Variants in DENND2B observed in about 807,000 individuals in gnomAD.
The protein encoded by DENND2B is DENN domain-containing protein 2B.
DENND2B carries 32 observed loss-of-function variants against 116.0 expected under a neutral mutation model. The ratio of observed to expected loss-of-function variants is 0.28; its 90% CI spans 0.21 to 0.37. DENND2B has a LOEUF of 0.37. Among genes scored for constraint, DENND2B ranks in the 10% least tolerant of loss-of-function variants. The probability of loss-of-function intolerance (pLI) is 1.00; values close to 1 mark genes in which losing one functional copy is unlikely to be tolerated. For missense variants in DENND2B, 1,276 were observed against 1,477.7 expected (o/e 0.86, Z 2.24); for synonymous variants, 588 against 583.9 (o/e 1.01, Z -0.10).
At chr11:8,709,876 C>T (rs778443181) in intron 11 of DENND2B, among the ~76,000 whole-genome samples, 1 of 152,180 alleles carries the variant, frequency 6.6e-6, no homozygotes, top group Non-Finnish European at 1.5e-5. Context: ...CCCTTCCCTC[C>T]TGTGTTGAAA....
At chr11:8,873,651 T>C (rs2063815024), upstream of DENND2B, among the ~76,000 whole-genome samples, 1 of 152,236 alleles carries the variant, frequency 6.6e-6, no homozygotes. Flanking sequence ...AGGTCGACTA[T>C]GTATAAGAGA....
intron 4 of DENND2B, among the ~76,000 whole-genome samples, chr11:8,829,835 C>T (rs1196043170): frequency 1.3e-5 from 2 of 152,188 alleles, no homozygotes; most frequent in Non-Finnish European, 2.9e-5. Context: ...ACTAGATGAA[C>T]TCTAAGAGCC....
chr11:8,730,010 G>A lies in DENND2B; in HGVS notation c.1280C>T (p.Ala427Val). Residue 427 changes from alanine to valine, a missense_variant, in exon 3 of 20, where the codon GCC (alanine) becomes GTC (valine). By Grantham distance (64) the Ala-to-Val change is moderately conservative. This residue lies in a region of DENND2B where 856 missense variants were observed against 846.6 expected (regional missense o/e 1.01). Coordinates refer to ENST00000313726, the MANE Select transcript of DENND2B (RefSeq NM_213618.2). The surrounding 1 kb of genome is among the most constrained non-coding windows in gnomAD (Gnocchi z 4.1). ...AAPPPLPSTP[A>V]PPVTRRPKKD... The stretch of plus-strand genomic sequence containing the variant: ...CTTGGGTCTCCGGGTGACTGGCGGG[G>A]CTGGGGTGGAGGGCAAGGGAGGTGG... 1.2e-6 allele frequency: 2 copies of A among 1,614,214 alleles called. No individual in the cohort carries two copies. Among genetic ancestry groups the A allele is most frequent in the African/African-American group, 1.3e-5 (1 of 75,042 alleles).
intron 1 of DENND2B, chr11:8,756,941 T>A: frequency 4.7e-6 from 2 of 428,228 alleles, no homozygotes; most frequent in South Asian, 1.7e-5. Context: ...AATTGTTCAA[T>A]TAGCATATAC....
chr11:8,836,722 T>G (rs2062442795), intron 4 of DENND2B, among the ~76,000 whole-genome samples: 1 of 151,210 alleles, frequency 6.6e-6, no homozygotes, highest in Non-Finnish European at 1.5e-5. Flanking sequence ...CCCGGCTACT[T>G]TGTTGTTTTT....
At chr11:8,879,440 A>G (rs1030757250) in intron 2 of DENND2B, among the ~76,000 whole-genome samples, 3 of 152,246 alleles carry the variant, frequency 2.0e-5, no homozygotes, top group African/African-American at 7.2e-5. Flanking sequence ...CTGATACAGG[A>G]TCAGATCTAG....
At chr11:8,748,443 A>T (rs2051704645) in intron 2 of DENND2B, among the ~76,000 whole-genome samples, 1 of 152,218 alleles carries the variant, frequency 6.6e-6, no homozygotes, top group South Asian at 2.1e-4. Context: ...CTGGTGATTT[A>T]CTGCCTTAGC....
chr11:8,880,345 CTGTGTGTGTGTG>C (rs56051922), intron 2 of DENND2B, among the ~76,000 whole-genome samples: 4 of 120,552 alleles, frequency 3.3e-5, no homozygotes, highest in East Asian at 2.4e-4. Flanking sequence ...TCACTTTGAA[CTGTGTGTGTGTG>C]TGTGTGTGTG....
At chr11:8,853,582 T>C (rs7117900) in intron 3 of DENND2B, among the ~76,000 whole-genome samples, 84 of 152,154 alleles carry the variant, frequency 5.5e-4, no homozygotes, top group African/African-American at 2.0e-3. Context: ...CTGAATGGAC[T>C]AAGACTATGG....
intron 1 of DENND2B, among the ~76,000 whole-genome samples, chr11:8,805,200 C>T (rs543885350): frequency 1.4e-4 from 22 of 152,320 alleles, no homozygotes; most frequent in Non-Finnish European, 2.2e-4. Context: ...CAGTGCACTG[C>T]AATGCATGTC....
chr11:8,799,161 C>G (rs1210716872), intron 1 of DENND2B, among the ~76,000 whole-genome samples: 1 of 152,128 alleles, frequency 6.6e-6, no homozygotes, highest in Non-Finnish European at 1.5e-5. Flanking sequence ...TGCCACTTCC[C>G]CCTGGGTACT....
intron 15 of DENND2B, 50 bp from the exon 16 acceptor site, chr11:8,699,024 T>C: frequency 1.2e-6 from 2 of 1,608,192 alleles, no homozygotes; most frequent in Non-Finnish European, 1.7e-6. Flanking sequence ...AGTCCCGCAA[T>C]GCCCTCTGCC....
chr11:8,755,270 T>C (rs1392053410), intron 1 of DENND2B, among the ~76,000 whole-genome samples: 4 of 152,212 alleles, frequency 2.6e-5, no homozygotes, highest in Non-Finnish European at 5.9e-5. Context: ...GTTAAACATA[T>C]TTATTTATGG....
intron 13 of DENND2B, among the ~76,000 whole-genome samples, chr11:8,705,448 TG>T (rs1565650368): frequency 6.6e-6 from 1 of 152,326 alleles, no homozygotes; most frequent in Non-Finnish European, 1.5e-5. Flanking sequence ...GAGGTGCTCC[TG>T]AGCCGCAGCC....
intron 1 of DENND2B, among the ~76,000 whole-genome samples, chr11:8,906,740 T>C (rs192051130): frequency 6.6e-6 from 1 of 152,298 alleles, no homozygotes; most frequent in Admixed American, 6.5e-5. Flanking sequence ...ATTTTGATAA[T>C]GAGTTTCTTT....
chr11:8,906,020 G>A (rs987756736), intron 1 of DENND2B, among the ~76,000 whole-genome samples: 1 of 151,354 alleles, frequency 6.6e-6, no homozygotes, highest in African/African-American at 2.4e-5. Flanking sequence ...ACCAGAGGCA[G>A]GAGCTGAGAA....
chr11:8,811,130 A>AG (rs1304698020), upstream of DENND2B: 2 of 394,454 alleles, frequency 5.1e-6, no homozygotes, highest in African/African-American at 4.1e-5. Flanking sequence ...CTCGGGTAGG[A>AG]GGGACCCTGA....
chr11:8,722,994 G>A (rs944782860), intron 4 of DENND2B, among the ~76,000 whole-genome samples: 2 of 152,118 alleles, frequency 1.3e-5, no homozygotes, highest in African/African-American at 2.4e-5. Context: ...CAGCCAAGGT[G>A]CTCCCATATT....
chr11:8,720,418 GGGAAAACA>G (rs2045958766), intron 4 of DENND2B, among the ~76,000 whole-genome samples: 1 of 152,166 alleles, frequency 6.6e-6, no homozygotes, highest in Admixed American at 6.5e-5. Flanking sequence ...GACAACCCAG[GGGAAAACA>G]GCCAGCAACA....
Sources: allele counts gnomAD v4.1 joint callset (sites outside exome capture counted in the v4.1 genomes callset), GRCh38; gene constraint gnomAD v4.1.1; regional missense constraint gnomAD v4.1.1; non-coding constraint Gnocchi (gnomAD v3.1); transcripts MANE v1.5; gene names NCBI Gene and HGNC (gene_info 2026-07-23, HGNC 2026-07-21).